The following PAIP2 variants were observed in gnomAD, a reference collection of about 807,000 sequenced individuals.
PAIP2 encodes poly(A) binding protein interacting protein 2.
In PAIP2, 7 loss-of-function variants were observed where a neutral mutation model predicts 14.8. The observed-to-expected ratio is 0.47, with a 90% confidence interval of 0.27 to 0.89. The LOEUF (loss-of-function observed/expected upper bound fraction) is 0.89, where lower values mean the gene tolerates loss of function less well. Among genes scored for constraint, PAIP2 ranks in the 40% least tolerant of loss-of-function variants. PAIP2 has a pLI of 0.13. For missense variants in PAIP2, 122 were observed against 154.7 expected (o/e 0.79, Z 1.12); for synonymous variants, 47 against 45.3 (o/e 1.04, Z -0.15).
chr5:139,352,488 G>GTTTTTTTTTTT lies in PAIP2; in HGVS notation c.-27+10518_-27+10519insTTTTTTTTTTT, dbSNP rs1185620394. ...TGGCTTTCTCAGTTAATTCCTGCCA[G>GTTTTTTTTTTT]TTTTTTTTTTGTTGTTTTTTTTTTT... is the stretch of plus-strand genomic sequence containing the variant. On this transcript the variant is annotated intron_variant, in intron 1 of 3. Coordinates refer to ENST00000265192, the MANE Select transcript of PAIP2 (RefSeq NM_016480.5). Among the ~76,000 whole-genome samples, 167 of 94,788 alleles carry GTTTTTTTTTTT rather than the reference G, an allele frequency of 1.8e-3. 5 individuals carry two copies. Among genetic ancestry groups the GTTTTTTTTTTT allele is most frequent in the African/African-American group, 4.3e-3 (136 of 31,584 alleles). The allele number at this position is 94,788 out of a possible 152,430, so 62.2% of individuals were successfully genotyped here.
At chr5:139,364,841 C>G (rs1320948365) in intron 3 of PAIP2, 98 bp downstream of exon 3, 1 of 803,008 alleles carries the variant, frequency 1.2e-6, no homozygotes, top group Non-Finnish European at 2.0e-6. Context: ...ATCTCTTTCC[C>G]CTTCAGAAAT....
intron 3 of PAIP2, among the ~76,000 whole-genome samples, chr5:139,365,947 A>C (rs997948885): frequency 6.6e-6 from 1 of 152,146 alleles, no homozygotes; most frequent in African/African-American, 2.4e-5. Flanking sequence ...CATGCCTGTA[A>C]TCCCAACACT....
chr5:139,364,620 G>A lies in PAIP2; in HGVS notation c.195G>A (p.Leu65=). The stretch of plus-strand genomic sequence containing the variant: ...TTGAACGCTGTTTCCAAGAAATGCT[G>A]GAAGAGGAAGAAGAGCATGAATGGT... The part of the protein sequence containing the change: ...EFIERCFQEM[L]EEEEEHEWFI... The change falls in exon 3 of 4, where the codon CTG becomes CTA. Residue 65 remains leucine (L), a synonymous_variant. Transcript: ENST00000265192. 6.2e-7 allele frequency: 1 copy of A among 1,611,112 alleles called. No individual in the cohort carries two copies.
At chr5:139,354,161 T>C (rs1473743432) in intron 1 of PAIP2, among the ~76,000 whole-genome samples, 4 of 150,194 alleles carry the variant, frequency 2.7e-5, no homozygotes, top group African/African-American at 1.0e-4. Context: ...GTAGAGTTCT[T>C]TCATTTCAGC....
intron 1 of PAIP2, among the ~76,000 whole-genome samples, chr5:139,356,291 T>A (rs955431217): frequency 6.7e-6 from 1 of 148,874 alleles, no homozygotes; most frequent in South Asian, 2.1e-4. Flanking sequence ...ACTAAAAATA[T>A]AAAAATTAGC....
chr5:139,353,724 T>TC (rs1473719014), intron 1 of PAIP2, among the ~76,000 whole-genome samples: 1 of 37,628 alleles, frequency 2.7e-5, no homozygotes, highest in Non-Finnish European at 1.8e-4. Flanking sequence ...TTGTCTTTTC[T>TC]TTTTTTTTTT....
intron 1 of PAIP2, among the ~76,000 whole-genome samples, chr5:139,349,634 A>G (rs1422922762): frequency 6.6e-6 from 1 of 152,230 alleles, no homozygotes; most frequent in Non-Finnish European, 1.5e-5. Flanking sequence ...TAGTTAATAG[A>G]ACATTTGAAA....
chr5:139,348,803 C>T (rs1166414854), intron 1 of PAIP2, among the ~76,000 whole-genome samples: 1 of 150,818 alleles, frequency 6.6e-6, no homozygotes, highest in Non-Finnish European at 1.5e-5. Flanking sequence ...TCAGCCTCCC[C>T]AGTAGCTGGG....
chr5:139,350,757 A>T (rs903834333), intron 1 of PAIP2, among the ~76,000 whole-genome samples: 9 of 152,120 alleles, frequency 5.9e-5, no homozygotes, highest in Admixed American at 2.0e-4. Context: ...CAAAAGACTG[A>T]TGAATCTAGA....
chr5:139,359,189 T>A (rs1368406120), intron 1 of PAIP2, among the ~76,000 whole-genome samples: 1 of 152,018 alleles, frequency 6.6e-6, no homozygotes, highest in African/African-American at 2.4e-5. Flanking sequence ...GGCTGGAGAG[T>A]GCAGTGGCGC....
chr5:139,365,560 G>T (rs1757203953), intron 3 of PAIP2, among the ~76,000 whole-genome samples: 1 of 151,868 alleles, frequency 6.6e-6, no homozygotes, highest in Non-Finnish European at 1.5e-5. Context: ...CAGCTACTTG[G>T]GAGGCTGAGG....
intron 1 of PAIP2, among the ~76,000 whole-genome samples, chr5:139,363,395 G>A (rs1223723056): frequency 6.6e-6 from 1 of 152,028 alleles, no homozygotes; most frequent in Non-Finnish European, 1.5e-5. Context: ...TATTCATGAT[G>A]CCTGCTAATA....
chr5:139,360,263 T>G (rs941404004), intron 1 of PAIP2, among the ~76,000 whole-genome samples: 6 of 151,548 alleles, frequency 4.0e-5, no homozygotes, highest in African/African-American at 1.5e-4. Context: ...CCGCACCCAG[T>G]CTAATTATTT....
At chr5:139,343,474 G>A (rs1756442685) in intron 1 of PAIP2, 1 of 152,088 alleles carries the variant, frequency 6.6e-6, no homozygotes, top group African/African-American at 2.4e-5. Flanking sequence ...TAAGCACTCT[G>A]CACTTTATTC....
At chr5:139,352,503 T>TTTTTTTTTTTTTGTTTTTTTTTTTTTTG (rs1422182919) in intron 1 of PAIP2, among the ~76,000 whole-genome samples, 2 of 124,462 alleles carry the variant, frequency 1.6e-5, no homozygotes, top group Non-Finnish European at 3.3e-5. Flanking sequence ...TTTTTTGTTG[T>TTTTTTTTTTTTTGTTTTTTTTTTTTTTG]TTTTTTTTTT....
intron 1 of PAIP2, among the ~76,000 whole-genome samples, chr5:139,346,682 C>T (rs977652848): frequency 2.7e-5 from 4 of 150,476 alleles, no homozygotes; most frequent in African/African-American, 9.8e-5. Flanking sequence ...CAAGCGTGCA[C>T]CTCCATGTCC....
intron 1 of PAIP2, among the ~76,000 whole-genome samples, chr5:139,359,662 C>G (rs1757012240): frequency 6.6e-6 from 1 of 151,844 alleles, no homozygotes; most frequent in East Asian, 2.0e-4. Flanking sequence ...GTTTGGTAGC[C>G]TGCCATATAA....
chr5:139,360,637 C>T (rs1299702195), intron 1 of PAIP2, among the ~76,000 whole-genome samples: 6 of 152,022 alleles, frequency 3.9e-5, no homozygotes, highest in Admixed American at 6.6e-5. Flanking sequence ...GGACTGCAGG[C>T]GTGCACCACT....
chr5:139,367,440 AG>A (rs1218172064), intron 3 of PAIP2: 2 of 152,218 alleles, frequency 1.3e-5, no homozygotes, highest in African/African-American at 4.8e-5. Context: ...CATTGGTACA[AG>A]TCTCTAAGAC....
Sources: gnomAD v4.1 joint callset for allele counts (sites outside exome capture counted in the v4.1 genomes callset) on GRCh38, gnomAD v4.1.1 for gene constraint, MANE v1.5 for transcripts, NCBI Gene and HGNC (gene_info 2026-07-23, HGNC 2026-07-21) for gene names.